Variants in RSF1 observed in about 807,000 individuals in gnomAD.
RSF1 encodes the protein HBV pX-associated protein 8.
Under a neutral mutation model 145.2 loss-of-function variants are expected in RSF1, and 13 were observed. That is an observed-to-expected ratio of 0.09 (90% CI 0.06 to 0.14). The LOEUF (loss-of-function observed/expected upper bound fraction) is 0.14, where lower values mean the gene tolerates loss of function less well. Ranked by LOEUF, RSF1 falls within the 10% of genes least tolerant of loss-of-function variation. The pLI, the probability that RSF1 is intolerant of heterozygous loss-of-function variation, is 1.00. For synonymous variants in RSF1, 577 were observed against 592.6 expected, an observed-to-expected ratio of 0.97 and a Z score of 0.38; for missense variants, 1,517 against 1,718.2, an observed-to-expected ratio of 0.88 and a Z score of 2.07.
intron 2 of RSF1, among the ~76,000 whole-genome samples, chr11:77,761,635 A>G (rs1948173110): frequency 6.6e-6 from 1 of 152,112 alleles, no homozygotes; most frequent in African/African-American, 2.4e-5. Flanking sequence ...GGTGTCTGAA[A>G]TTGCTCATTA....
At chr11:77,742,117 A>T (rs532785583) in intron 3 of RSF1, among the ~76,000 whole-genome samples, 1 of 152,358 alleles carries the variant, frequency 6.6e-6, no homozygotes, top group African/African-American at 2.4e-5. Flanking sequence ...AGGAGTGCAG[A>T]TACCACTTCA....
At chr11:77,729,188 A>C (rs894633979) in intron 4 of RSF1, among the ~76,000 whole-genome samples, 5 of 152,154 alleles carry the variant, frequency 3.3e-5, no homozygotes, top group South Asian at 4.1e-4. Context: ...AAACACTAAC[A>C]CTTGGTTATT....
intron 4 of RSF1, among the ~76,000 whole-genome samples, chr11:77,729,981 T>C (rs952868135): frequency 6.8e-6 from 1 of 147,384 alleles, no homozygotes; most frequent in Non-Finnish European, 1.5e-5. Flanking sequence ...AGCAGTACTA[T>C]TAATCTAAGA....
chr11:77,688,375 C>T (rs1960065356), intron 9 of RSF1, among the ~76,000 whole-genome samples: 1 of 152,152 alleles, frequency 6.6e-6, no homozygotes, highest in African/African-American at 2.4e-5. Flanking sequence ...AAATCAGCTT[C>T]AGGACATGGG....
chr11:77,869,162 G>T, the RSF1 span: 2 of 243,518 alleles, frequency 8.2e-6, no homozygotes, highest in East Asian at 9.7e-5. Context: ...GACATATATT[G>T]GGTGCATCTC....
chr11:77,745,767 A>C (rs1387611354), intron 3 of RSF1, among the ~76,000 whole-genome samples: 4 of 151,200 alleles, frequency 2.6e-5, no homozygotes, highest in Non-Finnish European at 5.9e-5. Flanking sequence ...ATTAGGGTAT[A>C]AGTCAGATTT....
intron 15 of RSF1, among the ~76,000 whole-genome samples, chr11:77,671,005 C>A (rs1457093681): frequency 6.9e-6 from 1 of 143,968 alleles, no homozygotes; most frequent in Admixed American, 7.0e-5. Context: ...TATTGGGAGG[C>A]TGAGCCAGGA....
chr11:77,734,437 G>A, intron 4 of RSF1: 1 of 1,435,174 alleles, frequency 7.0e-7, no homozygotes, highest in Non-Finnish European at 9.7e-7. Context: ...TGGTGACCAG[G>A]GAAGTCACCC....
chr11:77,831,867 T>G, the RSF1 span: 1 of 146,124 alleles, frequency 6.8e-6, no homozygotes, highest in Non-Finnish European at 1.4e-5. Context: ...GGCTAATTTT[T>G]TTTTTTTTTT....
the RSF1 span, among the ~76,000 whole-genome samples, chr11:77,862,454 C>G: frequency 5.8e-4 from 88 of 152,238 alleles, no homozygotes; most frequent in African/African-American, 2.0e-3. Context: ...GAAAAAGGTA[C>G]GTGTACTCTG....
intron 7 of RSF1, among the ~76,000 whole-genome samples, chr11:77,694,274 TA>T (rs1960231359): frequency 6.6e-6 from 1 of 152,184 alleles, no homozygotes; most frequent in Non-Finnish European, 1.5e-5. Flanking sequence ...ACAGAATTTT[TA>T]AAACACAAAA....
the RSF1 span, among the ~76,000 whole-genome samples, chr11:77,827,084 G>A: frequency 2.7e-5 from 4 of 149,840 alleles, no homozygotes; most frequent in East Asian, 5.9e-4. Context: ...CAGCCTGGGT[G>A]ACAGAGCGAA....
Position 77,701,044 on chromosome 11 carries a change from G to T in RSF1, c.2185C>A (p.Gln729Lys). The change falls in exon 6 of 16, where the codon CAG becomes AAG. Residue 729 changes from glutamine to lysine, a missense_variant. Transcript: ENST00000308488. Reference protein sequence around the residue: ...SENTEITSERQKEGIKLTIRI... With the variant: ...SENTEITSERKKEGIKLTIRI... Reference sequence around the variant, plus strand: ...ATTGTTAATTTGATGCCCTCTTTCTGCCTTTCAGAGGTTATCTCTGTATTT... The same window carrying T: ...ATTGTTAATTTGATGCCCTCTTTCTTCCTTTCAGAGGTTATCTCTGTATTT... 1 of 1,613,660 alleles carries T rather than the reference G, an allele frequency of 6.2e-7. No homozygotes were observed. The highest frequency in any genetic ancestry group is 8.5e-7 in the Non-Finnish European group (1 of 1,180,006).
chr11:77,826,231 G>A, the RSF1 span, among the ~76,000 whole-genome samples: 4 of 151,988 alleles, frequency 2.6e-5, no homozygotes, highest in African/African-American at 9.7e-5. Flanking sequence ...GCATGGTGGT[G>A]CATGCCTGTA....
intron 14 of RSF1, among the ~76,000 whole-genome samples, chr11:77,672,686 AGTTT>A (rs758906137): frequency 7.3e-5 from 11 of 150,168 alleles, no homozygotes; most frequent in African/African-American, 1.2e-4. Context: ...TATCCTTTTT[AGTTT>A]GTTTGTTTTT....
upstream of RSF1, among the ~76,000 whole-genome samples, chr11:77,823,723 G>T (rs953759468): frequency 1.3e-5 from 2 of 150,950 alleles, no homozygotes; most frequent in African/African-American, 4.9e-5. Context: ...TTACTTAACT[G>T]ACCTTAAATA....
At chr11:77,819,586 T>A (rs1474752627) in intron 1 of RSF1, among the ~76,000 whole-genome samples, 1 of 152,086 alleles carries the variant, frequency 6.6e-6, no homozygotes, top group East Asian at 1.9e-4. Context: ...GAGAGAAACA[T>A]GAGCAACAAG....
chr11:77,833,189 T>A, the RSF1 span, among the ~76,000 whole-genome samples: 43 of 151,686 alleles, frequency 2.8e-4, no homozygotes, highest in African/African-American at 9.4e-4. Context: ...TTTGCATTTT[T>A]AGTAGAGATG....
intron 1 of RSF1, among the ~76,000 whole-genome samples, chr11:77,802,491 C>T (rs1250739725): frequency 6.6e-6 from 1 of 152,118 alleles, no homozygotes; most frequent in East Asian, 1.9e-4. Context: ...TCAGAGTATT[C>T]TGTGGATAGA....
Sources: gnomAD v4.1 joint callset for allele counts (sites outside exome capture counted in the v4.1 genomes callset) on GRCh38, gnomAD v4.1.1 for gene constraint, MANE v1.5 for transcripts, NCBI Gene and HGNC (gene_info 2026-07-23, HGNC 2026-07-21) for gene names.